Variants in TLK1 observed in about 807,000 individuals in gnomAD.
The protein encoded by TLK1 is serine/threonine-protein kinase tousled-like 1.
Under a neutral mutation model 105.3 loss-of-function variants are expected in TLK1, and 24 were observed. The observed-to-expected ratio is 0.23, with a 90% CI of 0.17 to 0.32. The LOEUF (loss-of-function observed/expected upper bound fraction) is 0.32, where lower values mean the gene tolerates loss of function less well. Among genes scored for constraint, TLK1 ranks in the 10% least tolerant of loss-of-function variants. The pLI, the probability that TLK1 is intolerant of heterozygous loss-of-function variation, is 1.00. For missense variants in TLK1, 558 were observed against 910.5 expected, an observed-to-expected ratio of 0.61 and a Z score of 4.98; for synonymous variants, 321 against 310.4, an observed-to-expected ratio of 1.03 and a Z score of -0.36.
At chr2:171,065,051 T>C (rs1358481333) in intron 3 of TLK1, among the ~76,000 whole-genome samples, 1 of 152,178 alleles carries the variant, frequency 6.6e-6, no homozygotes, top group Non-Finnish European at 1.5e-5. Flanking sequence ...AAGGAGTCTT[T>C]CTTCAATGTA....
chr2:171,044,850 G>A (rs905312132), intron 11 of TLK1, among the ~76,000 whole-genome samples: 11 of 152,240 alleles, frequency 7.2e-5, no homozygotes, highest in East Asian at 3.9e-4. Context: ...GTGCTGCTAC[G>A]TAAGTTAAAG....
chr2:171,222,012 T>C (rs1045062885), intron 1 of TLK1, among the ~76,000 whole-genome samples: 3 of 152,248 alleles, frequency 2.0e-5, no homozygotes, highest in Non-Finnish European at 2.9e-5. Context: ...AGGCCTCTTA[T>C]AGTCAGTCAG....
intron 11 of TLK1, among the ~76,000 whole-genome samples, chr2:171,033,305 A>C (rs900170868): frequency 3.3e-5 from 5 of 152,180 alleles, no homozygotes; most frequent in Admixed American, 2.0e-4. Context: ...CAAAAGCATA[A>C]ACAACAACAG....
intron 1 of TLK1, among the ~76,000 whole-genome samples, chr2:171,219,063 T>A (rs1693762880): frequency 6.6e-6 from 1 of 152,174 alleles, no homozygotes; most frequent in Admixed American, 6.5e-5. Context: ...CCAGGACGAT[T>A]TGACTCTAAA....
chr2:171,078,169 A>G (rs1340715050), intron 3 of TLK1, among the ~76,000 whole-genome samples: 1 of 152,194 alleles, frequency 6.6e-6, no homozygotes, highest in Non-Finnish European at 1.5e-5. Context: ...ATCCCTTTGA[A>G]TCATCTTAGG....
At chr2:171,084,351 A>G (rs951894501) in intron 2 of TLK1, among the ~76,000 whole-genome samples, 37 of 152,332 alleles carry the variant, frequency 2.4e-4, no homozygotes, top group African/African-American at 8.9e-4. Flanking sequence ...GGATCTTTAC[A>G]TAACAGGGTG....
chr2:171,026,883 C>T (rs994616385), intron 12 of TLK1, among the ~76,000 whole-genome samples: 3 of 151,972 alleles, frequency 2.0e-5, no homozygotes, highest in East Asian at 3.9e-4. Flanking sequence ...AAGTTGTCAA[C>T]TAAGTCTCAA....
At chr2:171,124,820 T>C (rs1187161450) in intron 1 of TLK1, among the ~76,000 whole-genome samples, 1 of 152,234 alleles carries the variant, frequency 6.6e-6, no homozygotes, top group Non-Finnish European at 1.5e-5. Flanking sequence ...CCTGTAGTTG[T>C]TCTGCACAGG....
chr2:171,153,440 G>C (rs1408027584), intron 1 of TLK1, among the ~76,000 whole-genome samples: 1 of 152,200 alleles, frequency 6.6e-6, no homozygotes, highest in Non-Finnish European at 1.5e-5. Context: ...TGCATACCAT[G>C]ATATATAGAG....
At chr2:170,996,147 T>C (rs2676147) in intron 20 of TLK1, among the ~76,000 whole-genome samples, 7,798 of 150,682 alleles carry the variant, frequency 0.052, 646 homozygotes, top group African/African-American at 0.17. Flanking sequence ...TCTAGATGTG[T>C]GCCACCACGC....
intron 8 of TLK1, among the ~76,000 whole-genome samples, chr2:171,051,191 G>A (rs1171834926): frequency 1.3e-5 from 2 of 152,124 alleles, no homozygotes; most frequent in East Asian, 3.9e-4. Flanking sequence ...CTCTAAGACT[G>A]TGAAGGGCCA....
At chr2:171,151,520 G>GC (rs1240985608) in intron 1 of TLK1, among the ~76,000 whole-genome samples, 1 of 145,472 alleles carries the variant, frequency 6.9e-6, no homozygotes, top group Non-Finnish European at 1.5e-5. Context: ...TGTCGCCCAG[G>GC]CTGGAGTGCA....
chr2:171,189,615 A>G (rs1262712938), intron 1 of TLK1, among the ~76,000 whole-genome samples: 2 of 152,218 alleles, frequency 1.3e-5, no homozygotes, highest in East Asian at 3.8e-4. Context: ...TCATTAATTC[A>G]AAATCACTAT....
intron 1 of TLK1, among the ~76,000 whole-genome samples, chr2:171,173,119 G>T (rs1353678472): frequency 6.6e-6 from 1 of 152,124 alleles, no homozygotes; most frequent in African/African-American, 2.4e-5. Context: ...GTTTTATTCA[G>T]CCAGTTGTGA....
chr2:171,093,568 G>A (rs1197702791), intron 2 of TLK1, among the ~76,000 whole-genome samples: 1 of 152,124 alleles, frequency 6.6e-6, no homozygotes, highest in African/African-American at 2.4e-5. Context: ...AAGATGGAAA[G>A]TGGGGCATGA....
At chr2:171,199,703 A>G (rs1483966163) in intron 1 of TLK1, among the ~76,000 whole-genome samples, 1 of 152,128 alleles carries the variant, frequency 6.6e-6, no homozygotes, top group Non-Finnish European at 1.5e-5. Context: ...CTGGGGAAAA[A>G]CTTTTCAATT....
chr2:171,196,305 T>A (rs932963746), intron 1 of TLK1, among the ~76,000 whole-genome samples: 2 of 151,976 alleles, frequency 1.3e-5, no homozygotes, highest in African/African-American at 4.8e-5. Context: ...TTAATAGAGA[T>A]GGAGTTTCAC....
chr2:171,123,187 C>A (rs990283109), intron 1 of TLK1, among the ~76,000 whole-genome samples: 5 of 151,938 alleles, frequency 3.3e-5, no homozygotes, highest in African/African-American at 7.3e-5. Context: ...AAATCTACTA[C>A]AAATACTCAT....
At chr2:171,004,935 T>C (rs1684576926) in intron 18 of TLK1, among the ~76,000 whole-genome samples, 1 of 152,226 alleles carries the variant, frequency 6.6e-6, no homozygotes. Context: ...ACAAGCCAAA[T>C]TTAAAATTTG....
Sources: allele counts gnomAD v4.1 joint callset (sites outside exome capture counted in the v4.1 genomes callset), GRCh38; gene constraint gnomAD v4.1.1; transcripts MANE v1.5; gene names NCBI Gene and HGNC (gene_info 2026-07-23, HGNC 2026-07-21).